The following USP24 variants were observed in gnomAD, a reference collection of about 807,000 sequenced individuals.
USP24 encodes ubiquitin carboxyl-terminal hydrolase 24.
In USP24, 97 loss-of-function variants were observed where a neutral mutation model predicts 361.6. That is an observed-to-expected ratio of 0.27 (90% confidence interval 0.23 to 0.32). USP24 has a LOEUF of 0.32. Among genes scored for constraint, USP24 ranks in the 10% least tolerant of loss-of-function variants. The probability of loss-of-function intolerance (pLI) is 1.00; values close to 1 mark genes in which losing one functional copy is unlikely to be tolerated. For synonymous variants in USP24, 1,098 were observed against 1,124.6 expected (o/e 0.98, Z 0.47); for missense variants, 2,353 against 3,165.6 (o/e 0.74, Z 6.16).
At chr1:55,093,810 G>T in intron 52 of USP24, 127 bp downstream of exon 52, 1 of 1,334,134 alleles carries the variant, frequency 7.5e-7, no homozygotes, top group Non-Finnish European at 1.0e-6. Flanking sequence ...AGGTTCATGA[G>T]ACAAGTGTGT....
intron 1 of USP24, among the ~76,000 whole-genome samples, chr1:55,181,345 G>A (rs768228126): frequency 1.3e-5 from 2 of 152,184 alleles, no homozygotes; most frequent in Non-Finnish European, 2.9e-5. Flanking sequence ...AAGGGTAGAA[G>A]GAGGGGGTGA....
At chr1:55,153,252 C>G (rs992948393) in intron 16 of USP24, among the ~76,000 whole-genome samples, 3 of 152,058 alleles carry the variant, frequency 2.0e-5, no homozygotes, top group Non-Finnish European at 2.9e-5. Context: ...CAATCATTAC[C>G]GCTCAATCTG....
At chr1:55,185,327 C>T (rs1644098469) in intron 1 of USP24, among the ~76,000 whole-genome samples, 1 of 151,558 alleles carries the variant, frequency 6.6e-6, no homozygotes, top group African/African-American at 2.4e-5. Flanking sequence ...ACATAACCTC[C>T]CACTTTCAGA....
Position 55,158,973 on chromosome 1 carries a change from C to A in USP24, c.1132G>T (p.Asp378Tyr), listed in dbSNP as rs1299121170. ...AGGTCATCCACAATTGTCACCAGATCCGGTTGGAAGCGCATGCAAAGTAAC... is the reference window on the plus strand; with the variant it reads ...AGGTCATCCACAATTGTCACCAGATACGGTTGGAAGCGCATGCAAAGTAAC... ...VKLLCMRFQP[D>Y]LVTIVDDLRL... The change falls in exon 10 of 68, where the codon GAT becomes TAT. Residue 378 changes from aspartate to tyrosine, a missense_variant. Physicochemically the swap from Asp to Tyr is radical, Grantham distance 160. This residue lies in a region of USP24 where 386 missense variants were observed against 560.5 expected (regional missense o/e 0.69). Transcript: ENST00000294383. 1 of 1,596,042 alleles carries A rather than the reference C, an allele frequency of 6.3e-7. No homozygotes were observed. The highest frequency in any genetic ancestry group is 1.1e-5 in the South Asian group (1 of 87,992).
At chr1:55,071,963 C>T in intron 66 of USP24, 39 bp from the exon 67 acceptor site, 2 of 1,551,400 alleles carry the variant, frequency 1.3e-6, no homozygotes, top group Non-Finnish European at 8.8e-7. Flanking sequence ...AAGTTAGGGC[C>T]CATTCAGTGG....
Position 55,181,691 on chromosome 1 carries a change from T to C in USP24, c.325-3559A>G, listed in dbSNP as rs144299713. Among the ~76,000 whole-genome samples, 578 of 152,266 alleles carry C rather than the reference T, an allele frequency of 3.8e-3. 5 individuals carry two copies. Among genetic ancestry groups the C allele is most frequent in the African/African-American group, 0.013 (540 of 41,550 alleles). ...ATATATCAAATCATACATAAAATCA[T>C]CAAATGTACTCAGTAGATGTAAAAA... On this transcript the variant is annotated intron_variant, in intron 1 of 67. Transcript: ENST00000294383.
At chr1:55,159,176 T>C in intron 9 of USP24, 140 bp from the exon 10 acceptor site, 1 of 804,282 alleles carries the variant, frequency 1.2e-6, no homozygotes, top group African/African-American at 1.8e-5. Context: ...AACTTCATTT[T>C]GCTTAGAAAC....
In USP24 at chr1:55,107,336, T is replaced by A. The variant is rs756616623; in HGVS notation, c.4665A>T (p.Glu1555Asp). 3.1e-6 allele frequency: 5 copies of A among 1,613,974 alleles called. No homozygotes were observed. Among genetic ancestry groups the A allele is most frequent in the Middle Eastern group, 1.7e-4 (1 of 6,060 alleles). Reference sequence around the variant, plus strand: ...TGTTGTCCGCTTCACTGGTCTCACATTCAGCTGTACGATTAGGTTCAAAGT... The same window carrying A: ...TGTTGTCCGCTTCACTGGTCTCACAATCAGCTGTACGATTAGGTTCAAAGT... ...LDNFEPNRTA[E>D]CETSEADNIL... The change falls in exon 40 of 68, where the codon GAA becomes GAT. Residue 1555 changes from glutamate to aspartate, a missense_variant. By Grantham distance (45) the Glu-to-Asp change is conservative. Around this residue, in one of 8 missense-constraint regions of USP24, gnomAD observed 949 missense variants for 1,280.5 expected, o/e 0.74. Coordinates refer to ENST00000294383, the MANE Select transcript of USP24 (RefSeq NM_015306.3).
chr1:55,176,283 T>TA, intron 3 of USP24, 93 bp downstream of exon 3: 1 of 1,183,214 alleles, frequency 8.5e-7, no homozygotes. Flanking sequence ...GTCTTATACA[T>TA]AAAAAACTAA....
intron 1 of USP24, 101 bp from the exon 2 acceptor site, chr1:55,178,233 T>TA (rs1650186169): frequency 7.6e-6 from 9 of 1,184,458 alleles, no homozygotes; most frequent in Admixed American, 2.5e-5. Context: ...CAATGGTAGC[T>TA]ATTAATACCA....
chr1:55,104,017 A>G lies in USP24; in HGVS notation c.4884T>C (p.Cys1628=). ...AISQQDFHPK[C]STANSRLAAY... ...CTGCCAATCGGCTATTCGCTGTACT[A>G]CACCTAGAAACAAAAGACACAAGTC... The change falls in exon 42 of 68, where the codon TGT becomes TGC. Residue 1628 remains cysteine (C), a synonymous_variant. Transcript: ENST00000294383. 6.2e-7 allele frequency: 1 copy of G among 1,600,058 alleles called. No individual in the cohort carries two copies. The highest frequency in any genetic ancestry group is 8.5e-7 in the Non-Finnish European group (1 of 1,173,694).
At chr1:55,178,731 A>ATAAG (rs1440182723) in intron 1 of USP24, among the ~76,000 whole-genome samples, 15 of 145,252 alleles carry the variant, frequency 1.0e-4, no homozygotes, top group African/African-American at 3.8e-4. Context: ...AAATAAATAA[A>ATAAG]AAGAACTGTC....
Position 55,086,279 on chromosome 1 carries a change from T to C in USP24, c.6669-241A>G, listed in dbSNP as rs1645249682. Reference sequence around the variant, plus strand: ...TCACTAAGACTCTATGTGGCAACTATGAGAAAGTTTAAAAGATAAGAAGTA... The same window carrying C: ...TCACTAAGACTCTATGTGGCAACTACGAGAAAGTTTAAAAGATAAGAAGTA... On this transcript the variant is annotated intron_variant, in intron 55 of 67. Transcript: ENST00000294383. 7 of 553,420 alleles carry C rather than the reference T, an allele frequency of 1.3e-5. No individual in the cohort carries two copies. The South Asian group carries it at 1.4e-4, about 11-fold the overall frequency. The allele number at this position is 553,420 out of a possible 1,614,324, so 34.3% of individuals were successfully genotyped here. A position where few individuals can be genotyped will look rare whatever the true frequency, so the allele number is the denominator to read the frequency against.
chr1:55,146,137 T>TA, intron 19 of USP24, 28 bp from the exon 20 acceptor site: 1 of 1,535,722 alleles, frequency 6.5e-7, no homozygotes, highest in Middle Eastern at 1.7e-4. Flanking sequence ...TATCACCCTA[T>TA]AACTAAGATC....
chr1:55,139,137 A>G, intron 24 of USP24, 127 bp from the exon 25 acceptor site: 1 of 803,910 alleles, frequency 1.2e-6, no homozygotes, highest in African/African-American at 1.7e-5. Flanking sequence ...AAATTTGCAA[A>G]GATTAAACTT....
chr1:55,099,198 G>A (rs1156894949), intron 45 of USP24, among the ~76,000 whole-genome samples: 1 of 152,172 alleles, frequency 6.6e-6, no homozygotes, highest in Non-Finnish European at 1.5e-5. Flanking sequence ...GGTAGGAATG[G>A]TTATTACTAT....
At chr1:55,166,518 T>C in intron 6 of USP24, 50 bp downstream of exon 6, 1 of 1,512,340 alleles carries the variant, frequency 6.6e-7, no homozygotes, top group South Asian at 1.2e-5. Context: ...GGACGTCTCA[T>C]TAGAAAATTG....
intron 67 of USP24, 110 bp from the exon 68 acceptor site, chr1:55,069,217 G>T: frequency 1.0e-6 from 1 of 988,656 alleles, no homozygotes; most frequent in Non-Finnish European, 1.6e-6. Context: ...TTAATGCAAT[G>T]TTTATCAAAG....
rs907301696 is a variant in USP24, at chr1:55,176,281, C to T, written c.558+95G>A. 5.6e-6 allele frequency: 6 copies of T among 1,073,164 alleles called. No individual in the cohort carries two copies. The African/African-American group carries it at 9.7e-5, about 17-fold the overall frequency. 66.5% of individuals were successfully genotyped at this position (1,073,164 alleles called of 1,614,324 possible). A position where few individuals can be genotyped will look rare whatever the true frequency, so the allele number is the denominator to read the frequency against. On this transcript the variant is annotated intron_variant, in intron 3 of 67. Transcript: ENST00000294383. ...ACAAGATTCATAAACTGGTCTTATA[C>T]ATAAAAAACTAAAATTAAAACAAAA... is the stretch of plus-strand genomic sequence containing the variant.
Sources: gnomAD v4.1 joint callset for allele counts (sites outside exome capture counted in the v4.1 genomes callset) on GRCh38, gnomAD v4.1.1 for gene constraint, gnomAD v4.1.1 regional missense constraint, MANE v1.5 for transcripts, NCBI Gene and HGNC (gene_info 2026-07-23, HGNC 2026-07-21) for gene names.